PFKP: variants seen among roughly 807,000 people sequenced by gnomAD.
The protein encoded by PFKP is ATP-dependent 6-phosphofructokinase, platelet type.
A neutral mutation model predicts 94.3 loss-of-function variants in PFKP; 101 were observed. The observed-to-expected ratio is 1.07, with a 90% CI of 0.91 to 1.26. PFKP has a LOEUF of 1.26. PFKP is among the 50% of genes most tolerant of loss of function. The pLI is 0.00. For synonymous variants in PFKP, 573 were observed against 432.6 expected, an observed-to-expected ratio of 1.32 and a Z score of -4.03; for missense variants, 1,145 against 1,103.3, an observed-to-expected ratio of 1.04 and a Z score of -0.53.
chr10:3,119,130 TA>T (rs1837132897), intron 15 of PFKP, among the ~76,000 whole-genome samples: 1 of 67,056 alleles, frequency 1.5e-5, no homozygotes, highest in South Asian at 3.4e-4. Context: ...AGTGAGCTCT[TA>T]ATGTATTTCA....
At chr10:3,136,264 TG>T (rs754820668) in intron 21 of PFKP, among the ~76,000 whole-genome samples, 185 bp from the exon 22 acceptor site, 4 of 152,184 alleles carry the variant, frequency 2.6e-5, no homozygotes, top group Non-Finnish European at 4.4e-5. Context: ...ACTCCACCAC[TG>T]GGTCTTCGGG....
rs1312865629 is a variant in PFKP, at chr10:3,077,500, T to C, written c.113-4888T>C. Among the ~76,000 whole-genome samples the C allele has an allele frequency of 2.6e-5, 4 of 151,822 alleles. No homozygotes were observed. In the South Asian group the frequency reaches 8.3e-4, roughly 32 times the overall value. On this transcript the variant is annotated intron_variant, in intron 1 of 21. Transcript: ENST00000381125. ...CCAGGATGGTCTCGATCTCCTGACC[T>C]CGTGATCCGCCCACCTTGGCCTCCC...
intron 1 of PFKP, among the ~76,000 whole-genome samples, chr10:3,078,393 C>T (rs955063899): frequency 1.3e-5 from 2 of 152,208 alleles, no homozygotes; most frequent in Non-Finnish European, 2.9e-5. Flanking sequence ...ACTGAATGTT[C>T]CTGGGGCTTC....
At chr10:3,104,779 AAT>A in intron 5 of PFKP, 1 of 394,512 alleles carries the variant, frequency 2.5e-6, no homozygotes, top group South Asian at 2.8e-5. Context: ...GACTGTGCCC[AAT>A]AGAGAAGGTA....
At position 3,127,253 on chromosome 10, in the gene PFKP, C is replaced by G. The variant is rs947840247; in HGVS notation, c.1684-2566C>G. 3.3e-5 allele frequency among the ~76,000 whole-genome samples: 5 copies of G among 152,268 alleles called. No individual in the cohort carries two copies. The South Asian group carries it at 6.2e-4, about 19-fold the overall frequency. On this transcript the variant is annotated intron_variant, in intron 16 of 21. Coordinates refer to ENST00000381125, the MANE Select transcript of PFKP (RefSeq NM_002627.5). Reference sequence around the variant, plus strand: ...AGCTGTCGCTGCGTTTACACTGAGACGAGCACACAGTCGGGGGCGTGGCTC... The same window carrying G: ...AGCTGTCGCTGCGTTTACACTGAGAGGAGCACACAGTCGGGGGCGTGGCTC...
intron 3 of PFKP, 136 bp from the exon 4 acceptor site, chr10:3,101,229 C>G (rs968428406): frequency 3.8e-6 from 3 of 784,638 alleles, no homozygotes; most frequent in African/African-American, 3.5e-5. Context: ...TCTTTCATAG[C>G]TAGTTACTAA....
chr10:3,102,244 C>T (rs1336017189), intron 4 of PFKP, among the ~76,000 whole-genome samples: 1 of 38,116 alleles, frequency 2.6e-5, no homozygotes, highest in Non-Finnish European at 5.6e-5. Flanking sequence ...GAGCGAGACT[C>T]TGTCTCAAAA....
chr10:3,117,818 G>T (rs1371777327), intron 14 of PFKP, among the ~76,000 whole-genome samples: 1 of 152,214 alleles, frequency 6.6e-6, no homozygotes, highest in Non-Finnish European at 1.5e-5. Context: ...CTCGCTGGCT[G>T]TTGTGGGCTC....
Position 3,136,469 on chromosome 10 carries a change from C to T in PFKP, c.2245C>T (p.Gln749Ter). The T allele has an allele frequency of 6.2e-7, 1 of 1,613,628 alleles. No homozygotes were observed. The highest frequency in any genetic ancestry group is 8.5e-7 in the Non-Finnish European group (1 of 1,179,716). The stretch of plus-strand genomic sequence containing the variant: ...CCACAGGCACAGGATTCCCAAAGAA[C>T]AGTGGTGGCTCAAGCTACGGCCCCT... ...TDFEHRIPKE[Q>*]WWLKLRPLMK... The change falls in exon 22 of 22, where the codon CAG (glutamine) becomes TAG (stop). Residue 749 changes from glutamine to a stop codon, truncating the protein, a stop_gained. Transcript: ENST00000381125. LOFTEE classifies it low-confidence loss of function (END_TRUNC).
At chr10:3,126,683 A>G (rs532251241) in intron 16 of PFKP, among the ~76,000 whole-genome samples, 1 of 152,388 alleles carries the variant, frequency 6.6e-6, no homozygotes, top group Admixed American at 6.5e-5. Flanking sequence ...CAGAGAAGTC[A>G]GTGGCTTTTT....
intron 2 of PFKP, among the ~76,000 whole-genome samples, chr10:3,093,773 A>T (rs1033867384): frequency 6.7e-6 from 1 of 150,274 alleles, no homozygotes; most frequent in Non-Finnish European, 1.5e-5. Context: ...CCTCCCGAGC[A>T]GCTGGGACTA....
intron 14 of PFKP, among the ~76,000 whole-genome samples, chr10:3,118,361 G>T (rs575872642): frequency 6.6e-6 from 1 of 152,078 alleles, no homozygotes; most frequent in Non-Finnish European, 1.5e-5. Context: ...CCAGCTACTC[G>T]GGAGGCTGAG....
chr10:3,119,355 C>T (rs1268210088), intron 15 of PFKP, among the ~76,000 whole-genome samples: 1 of 152,176 alleles, frequency 6.6e-6, no homozygotes. Flanking sequence ...CCTGTAATCT[C>T]AGCACTTTGG....
At chr10:3,081,535 T>C (rs1035821640) in intron 1 of PFKP, among the ~76,000 whole-genome samples, 3 of 152,240 alleles carry the variant, frequency 2.0e-5, no homozygotes, top group Non-Finnish European at 4.4e-5. Flanking sequence ...GCAGCAGCGC[T>C]GCATGGCTGT....
At chr10:3,092,016 A>AG (rs1450709632) in intron 2 of PFKP, among the ~76,000 whole-genome samples, 5 of 152,172 alleles carry the variant, frequency 3.3e-5, no homozygotes, top group African/African-American at 1.2e-4. Flanking sequence ...GAAAGGATAA[A>AG]GGGTGTTGGT....
At chr10:3,111,421 T>G (rs754631630) in intron 10 of PFKP, among the ~76,000 whole-genome samples, 1 of 152,150 alleles carries the variant, frequency 6.6e-6, no homozygotes, top group Non-Finnish European at 1.5e-5. Context: ...CTGAACGACA[T>G]GCGGTACGTG....
chr10:3,080,905 A>C (rs1833019579), intron 1 of PFKP, among the ~76,000 whole-genome samples: 1 of 152,002 alleles, frequency 6.6e-6, no homozygotes, highest in African/African-American at 2.4e-5. Flanking sequence ...ACAGAGAAGA[A>C]AGTTGTGCTG....
At chr10:3,136,308 G>C in intron 21 of PFKP, 142 bp from the exon 22 acceptor site, 1 of 727,544 alleles carries the variant, frequency 1.4e-6, no homozygotes, top group Admixed American at 2.7e-5. Context: ...ATTTGATCCT[G>C]AAATTGGCTT....
chr10:3,101,199 TA>T (rs1834963061), intron 3 of PFKP, among the ~76,000 whole-genome samples, 165 bp from the exon 4 acceptor site: 1 of 152,212 alleles, frequency 6.6e-6, no homozygotes, highest in South Asian at 2.1e-4. Flanking sequence ...GGTCTGGGAC[TA>T]AAAACAGGAA....
Sources: gnomAD v4.1 joint callset for allele counts (sites outside exome capture counted in the v4.1 genomes callset) on GRCh38, gnomAD v4.1.1 for gene constraint, MANE v1.5 for transcripts, NCBI Gene and HGNC (gene_info 2026-07-23, HGNC 2026-07-21) for gene names.